The following NPHP3 variants were observed in gnomAD, a reference collection of about 807,000 sequenced individuals.
NPHP3 encodes nephrocystin 3.
NPHP3 carries 123 observed loss-of-function variants against 171.9 expected under a neutral mutation model. The observed-to-expected ratio is 0.72, with a 90% CI of 0.62 to 0.83. The LOEUF is 0.83. NPHP3 is among the 40% of genes least tolerant of loss of function. NPHP3 has a pLI of 0.00. For synonymous variants in NPHP3, 558 were observed against 579.2 expected, an observed-to-expected ratio of 0.96 and a Z score of 0.52; for missense variants, 1,506 against 1,591.9, an observed-to-expected ratio of 0.95 and a Z score of 0.92.
intron 22 of NPHP3, 66 bp downstream of exon 22, chr3:132,687,085 G>GT (rs1939181986): frequency 1.3e-6 from 1 of 770,384 alleles, no homozygotes; most frequent in African/African-American, 1.7e-5. Flanking sequence ...CATGTGGGGT[G>GT]TATGCATTTA....
At chr3:132,693,380 G>C (rs1939349964) in intron 16 of NPHP3, 1 of 154,024 alleles carries the variant, frequency 6.5e-6, no homozygotes, top group African/African-American at 2.4e-5. Context: ...AGCTGTGTGA[G>C]GCAAGGAGGT....
intron 15 of NPHP3, 151 bp downstream of exon 15, chr3:132,696,580 T>A: frequency 1.4e-6 from 1 of 731,048 alleles, no homozygotes. Context: ...CTGTAAGCCA[T>A]GTTCTCACAA....
At chr3:132,699,704 G>A (rs1024730902) in intron 12 of NPHP3, among the ~76,000 whole-genome samples, 1 of 152,082 alleles carries the variant, frequency 6.6e-6, no homozygotes, top group Non-Finnish European at 1.5e-5. Context: ...TTTGTTAATT[G>A]TGTAAATTCA....
At chr3:132,696,158 G>C (rs1939448529) in intron 15 of NPHP3, among the ~76,000 whole-genome samples, 1 of 151,560 alleles carries the variant, frequency 6.6e-6, no homozygotes, top group African/African-American at 2.4e-5. Flanking sequence ...AGACAAAGTA[G>C]AGTGATGCTA....
intron 23 of NPHP3, chr3:132,685,675 T>C (rs1429673232): frequency 1.3e-5 from 2 of 152,180 alleles, no homozygotes; most frequent in Non-Finnish European, 2.9e-5. Flanking sequence ...TTCTGTGAGA[T>C]CTTATGCACA....
intron 2 of NPHP3, among the ~76,000 whole-genome samples, chr3:132,719,356 G>C (rs1940140776): frequency 6.6e-6 from 1 of 152,088 alleles, no homozygotes; most frequent in Non-Finnish European, 1.5e-5. Context: ...TGTGGTGTGG[G>C]TCTGTCATGT....
chr3:132,710,719 G>C (rs777781456), intron 6 of NPHP3, among the ~76,000 whole-genome samples: 11 of 152,044 alleles, frequency 7.2e-5, no homozygotes, highest in Non-Finnish European at 1.5e-4. Flanking sequence ...ATTTCTCCCG[G>C]GATTTTTCTC....
At chr3:132,718,865 T>G in intron 3 of NPHP3, 129 bp downstream of exon 3, 1 of 894,080 alleles carries the variant, frequency 1.1e-6, no homozygotes, top group Non-Finnish European at 1.8e-6. Context: ...CACGACACTA[T>G]TTGCAACAGT....
chr3:132,694,702 A>G, intron 16 of NPHP3, 125 bp downstream of exon 16: 2 of 1,031,450 alleles, frequency 1.9e-6, no homozygotes, highest in Non-Finnish European at 2.9e-6. Flanking sequence ...CACTATGGCT[A>G]TCAGCATTCC....
chr3:132,721,864 A>G, intron 1 of NPHP3, 99 bp downstream of exon 1: 9 of 1,389,894 alleles, frequency 6.5e-6, no homozygotes, highest in Non-Finnish European at 8.9e-6. Context: ...TAAAATGGGC[A>G]GTTTCCGCCG....
intron 7 of NPHP3, among the ~76,000 whole-genome samples, chr3:132,707,673 C>T (rs56832953): frequency 0.04 from 5,978 of 151,020 alleles, 236 homozygotes; most frequent in African/African-American, 0.097. Context: ...TCAAAATTTA[C>T]TCAGAATCCT....
At chr3:132,704,756 C>G (rs184886612) in intron 8 of NPHP3, among the ~76,000 whole-genome samples, 1 of 152,016 alleles carries the variant, frequency 6.6e-6, no homozygotes, top group African/African-American at 2.4e-5. Flanking sequence ...ATTTCTTGAT[C>G]TCAAGTATCT....
At chr3:132,685,917 G>A (rs1374375899) in intron 23 of NPHP3, 1 of 294,814 alleles carries the variant, frequency 3.4e-6, no homozygotes, top group African/African-American at 2.2e-5. Context: ...CGGGCGTGGT[G>A]GCATGCGCCT....
chr3:132,713,916 G>C (rs1939979857), intron 5 of NPHP3, among the ~76,000 whole-genome samples: 1 of 152,144 alleles, frequency 6.6e-6, no homozygotes, highest in African/African-American at 2.4e-5. Flanking sequence ...TCAACAACAG[G>C]GAAGATGTTA....
chr3:132,689,370 G>C (rs1026386798), intron 19 of NPHP3, 107 bp from the exon 20 acceptor site: 5 of 1,165,376 alleles, frequency 4.3e-6, no homozygotes. Context: ...ATTAGTAGGC[G>C]AGTACTGTGT....
At chr3:132,721,554 G>A in intron 1 of NPHP3, 1 of 323,622 alleles carries the variant, frequency 3.1e-6, no homozygotes, top group Non-Finnish European at 6.1e-6. Flanking sequence ...TGGGCGCGGG[G>A]GCGGCAGTGG....
rs376135585 is a variant in NPHP3 at position 132,703,538 on chromosome 3, G to C, written c.1524+660C>G. Among the ~76,000 whole-genome samples, 23 of 151,598 alleles carry C rather than the reference G, an allele frequency of 1.5e-4. No individual in the cohort carries two copies. In the East Asian group the frequency reaches 1.9e-3, roughly 13 times the overall value. On this transcript the variant is annotated intron_variant, in intron 9 of 26. Coordinates refer to ENST00000337331, the MANE Select transcript of NPHP3 (RefSeq NM_153240.5). ...TTTTGATTCAAGAATTGGAAGAACA[G>C]AGAGACTTACTATTCTTTTTTTTCT...
chr3:132,690,764 T>C (rs1339308167), intron 18 of NPHP3, 114 bp from the exon 19 acceptor site: 1 of 1,059,278 alleles, frequency 9.4e-7, no homozygotes, highest in South Asian at 1.5e-5. Flanking sequence ...TCTGATTCTT[T>C]AAGTATAATT....
chr3:132,708,768 C>T (rs752337707), intron 6 of NPHP3, among the ~76,000 whole-genome samples: 9 of 152,210 alleles, frequency 5.9e-5, no homozygotes, highest in Non-Finnish European at 1.0e-4. Context: ...TGACCCGCCT[C>T]CCTTCATGGC....
Sources: gnomAD v4.1 joint callset for allele counts (sites outside exome capture counted in the v4.1 genomes callset) on GRCh38, gnomAD v4.1.1 for gene constraint, MANE v1.5 for transcripts, NCBI Gene and HGNC (gene_info 2026-07-23, HGNC 2026-07-21) for gene names.